UTP18: variants seen among roughly 807,000 people sequenced by gnomAD.
The protein encoded by UTP18 is UTP18 small subunit processome component, also known as U3 small nucleolar RNA-associated protein 18 homolog.
UTP18 carries 36 observed loss-of-function variants against 61.1 expected under a neutral mutation model. The observed-to-expected ratio is 0.59, with a 90% CI of 0.45 to 0.78. The LOEUF (loss-of-function observed/expected upper bound fraction) is 0.78, where lower values mean the gene tolerates loss of function less well. Among genes scored for constraint, UTP18 ranks in the 30% least tolerant of loss-of-function variants. The pLI is 0.00. For missense variants in UTP18, 753 were observed against 693.9 expected (o/e 1.09, Z -0.96); for synonymous variants, 282 against 251.1 (o/e 1.12, Z -1.16).
chr17:51,263,091 A>T (rs1469751997), intron 1 of UTP18, among the ~76,000 whole-genome samples, 183 bp from the exon 2 acceptor site: 1 of 152,150 alleles, frequency 6.6e-6, no homozygotes, highest in Admixed American at 6.5e-5. Flanking sequence ...AGTCGGTGCC[A>T]TTCTCTGATT....
intron 1 of UTP18, 24 bp from the exon 2 acceptor site, chr17:51,263,250 T>C: frequency 6.2e-7 from 1 of 1,602,528 alleles, no homozygotes; most frequent in Non-Finnish European, 8.5e-7. Flanking sequence ...ATCTCAGTGC[T>C]TGAGGGTGTT....
intron 11 of UTP18, among the ~76,000 whole-genome samples, chr17:51,290,953 G>A (rs762731700): frequency 6.6e-6 from 1 of 152,196 alleles, no homozygotes; most frequent in Non-Finnish European, 1.5e-5. Context: ...TGTTGGACTA[G>A]TAGGAGACTC....
chr17:51,285,530 G>A (rs898469590), intron 10 of UTP18, among the ~76,000 whole-genome samples, 162 bp downstream of exon 10: 2 of 152,116 alleles, frequency 1.3e-5, no homozygotes, highest in Admixed American at 1.3e-4. Context: ...TATCATCTTT[G>A]TGCAGTGTTG....
At chr17:51,285,144 G>A in intron 9 of UTP18, 101 bp from the exon 10 acceptor site, 1 of 1,264,630 alleles carries the variant, frequency 7.9e-7, no homozygotes, top group Non-Finnish European at 1.1e-6. Flanking sequence ...GTCTGTATTT[G>A]TAGTCTCCTG....
In UTP18 at chr17:51,260,861, G is replaced by A. The variant is rs1246869930; in HGVS notation, c.277G>A (p.Glu93Lys). Residue 93 changes from glutamate to lysine, a missense_variant, in exon 1 of 14, where the codon GAG (glutamate) becomes AAG (lysine). Glu to Lys is a moderately conservative substitution (Grantham distance 56, BLOSUM62 1). Transcript: ENST00000225298. ...DKPAVERCLE[E>K]LVFGDVENDE... ...ACCGGCCGTGGAGCGGTGCTTGGAG[G>A]AGCTGGTCTTCGGCGACGTCGAGAA... 2 of 1,601,902 alleles carry A rather than the reference G, an allele frequency of 1.2e-6. No individual in the cohort carries two copies. Among genetic ancestry groups the A allele is most frequent in the African/African-American group, 1.3e-5 (1 of 74,444 alleles).
chr17:51,271,320 T>C (rs767372522), intron 4 of UTP18, among the ~76,000 whole-genome samples: 1 of 152,140 alleles, frequency 6.6e-6, no homozygotes, highest in Non-Finnish European at 1.5e-5. Context: ...GTTTGGTTTT[T>C]TTTTGAGACA....
intron 11 of UTP18, among the ~76,000 whole-genome samples, chr17:51,289,584 A>G (rs1022274211): frequency 2.6e-5 from 4 of 151,884 alleles, no homozygotes; most frequent in African/African-American, 9.7e-5. Context: ...TTTCAGTGTC[A>G]CCCCATCTCT....
intron 7 of UTP18, among the ~76,000 whole-genome samples, chr17:51,278,718 G>A (rs984817213): frequency 3.9e-5 from 6 of 152,150 alleles, no homozygotes; most frequent in South Asian, 2.1e-4. Flanking sequence ...ACCTCATCAC[G>A]TAATGATATT....
chr17:51,278,936 G>GA (rs1198767675), intron 7 of UTP18, among the ~76,000 whole-genome samples: 1 of 152,176 alleles, frequency 6.6e-6, no homozygotes, highest in East Asian at 1.9e-4. Context: ...AGGGAACTAA[G>GA]ATGTAGTCTT....
chr17:51,277,714 T>G (rs1904778728), intron 7 of UTP18, among the ~76,000 whole-genome samples: 1 of 152,214 alleles, frequency 6.6e-6, no homozygotes, highest in Non-Finnish European at 1.5e-5. Flanking sequence ...TATAATAAAA[T>G]TTTGATTTAT....
intron 9 of UTP18, among the ~76,000 whole-genome samples, chr17:51,280,804 C>T (rs1472794173): frequency 6.6e-6 from 1 of 151,480 alleles, no homozygotes; most frequent in Non-Finnish European, 1.5e-5. Flanking sequence ...CAGAACGAGA[C>T]TCCATCTCAA....
intron 8 of UTP18, 48 bp from the exon 9 acceptor site, chr17:51,280,341 C>G (rs1228520459): frequency 1.9e-6 from 3 of 1,585,286 alleles, no homozygotes; most frequent in Non-Finnish European, 2.6e-6. Context: ...TTGTGTGATT[C>G]TTCTGTATAC....
intron 2 of UTP18, among the ~76,000 whole-genome samples, chr17:51,265,492 A>T (rs1598473870): frequency 1.4e-5 from 2 of 145,892 alleles, no homozygotes; most frequent in South Asian, 4.3e-4. Context: ...CGAGCTCCCG[A>T]CCTTCAGTGA....
intron 11 of UTP18, among the ~76,000 whole-genome samples, chr17:51,292,301 G>T (rs1905259292): frequency 6.6e-6 from 1 of 152,196 alleles, no homozygotes; most frequent in Non-Finnish European, 1.5e-5. Flanking sequence ...CAACTTCTTA[G>T]CTTTAATGGG....
At chr17:51,286,398 A>G (rs753463505) in intron 10 of UTP18, 1 of 441,770 alleles carries the variant, frequency 2.3e-6, no homozygotes, top group Non-Finnish European at 4.6e-6. Context: ...TTTCAGTCAA[A>G]TCCTCCCTGG....
chr17:51,266,547 T>A (rs902193257), intron 3 of UTP18, among the ~76,000 whole-genome samples: 2 of 152,232 alleles, frequency 1.3e-5, no homozygotes, highest in African/African-American at 4.8e-5. Flanking sequence ...CACCATAATT[T>A]TATAATATGA....
chr17:51,277,394 G>C, intron 7 of UTP18, 90 bp downstream of exon 7: 1 of 1,393,094 alleles, frequency 7.2e-7, no homozygotes, highest in Non-Finnish European at 9.7e-7. Context: ...CACTCCATAG[G>C]ATTCTTAAAA....
intron 2 of UTP18, among the ~76,000 whole-genome samples, chr17:51,264,953 G>A (rs1481934356): frequency 6.6e-6 from 1 of 151,856 alleles, no homozygotes; most frequent in Non-Finnish European, 1.5e-5. Context: ...AAAGTGCTGG[G>A]GTTACAGACA....
rs1239567709 is a variant in UTP18 at position 51,260,677 on chromosome 17, C to T, written c.93C>T (p.Ala31=). 1.2e-6 allele frequency: 2 copies of T among 1,610,818 alleles called. No individual in the cohort carries two copies. Residue 31 remains alanine, a synonymous_variant, in exon 1 of 14, where the codon GCC becomes GCT. Coordinates refer to ENST00000225298, the MANE Select transcript of UTP18 (RefSeq NM_016001.3). ...RKPGMRPDWK[A]GAGPGGPPQK... ...CCGGAATGAGGCCGGACTGGAAAGCCGGAGCGGGGCCAGGCGGGCCTCCCC... is the reference window on the plus strand; with the variant it reads ...CCGGAATGAGGCCGGACTGGAAAGCTGGAGCGGGGCCAGGCGGGCCTCCCC...
Sources: gnomAD v4.1 joint callset for allele counts (sites outside exome capture counted in the v4.1 genomes callset) on GRCh38, gnomAD v4.1.1 for gene constraint, MANE v1.5 for transcripts, NCBI Gene and HGNC (gene_info 2026-07-23, HGNC 2026-07-21) for gene names.